WDR70: variants seen among roughly 807,000 people sequenced by gnomAD.
The protein encoded by WDR70 is WD repeat-containing protein 70.
In WDR70, 53 loss-of-function variants were observed where a neutral mutation model predicts 88.6. That is an observed-to-expected ratio of 0.60 (90% confidence interval 0.48 to 0.75). The LOEUF (loss-of-function observed/expected upper bound fraction) is 0.75. Among genes scored for constraint, WDR70 ranks in the 30% least tolerant of loss-of-function variants. The pLI is 0.00. For synonymous variants in WDR70, 280 were observed against 270.0 expected (o/e 1.04, Z -0.36); for missense variants, 610 against 823.2 (o/e 0.74, Z 3.17).
chr5:37,433,989 ATTAG>A (rs2112029387), intron 5 of WDR70, among the ~76,000 whole-genome samples: 1 of 152,356 alleles, frequency 6.6e-6, no homozygotes, highest in South Asian at 2.1e-4. Flanking sequence ...AAATGAAGGT[ATTAG>A]TTCATTCTCA....
chr5:37,626,934 C>G (rs1437549533), intron 10 of WDR70, among the ~76,000 whole-genome samples: 1 of 151,960 alleles, frequency 6.6e-6, no homozygotes, highest in African/African-American at 2.4e-5. Flanking sequence ...CTCTAATGAT[C>G]CTTTGTATTT....
At chr5:37,507,742 T>C (rs1740605164) in intron 8 of WDR70, among the ~76,000 whole-genome samples, 1 of 152,210 alleles carries the variant, frequency 6.6e-6, no homozygotes, top group Non-Finnish European at 1.5e-5. Flanking sequence ...GGGATCCTGA[T>C]TATATTAGAT....
At chr5:37,381,766 A>C in intron 3 of WDR70, 81 bp downstream of exon 3, 1 of 1,461,356 alleles carries the variant, frequency 6.8e-7, no homozygotes, top group Middle Eastern at 1.8e-4. Flanking sequence ...AAGAGAAAAG[A>C]ATGTTGGCTG....
At chr5:37,582,320 G>A (rs377026252) in intron 9 of WDR70, among the ~76,000 whole-genome samples, 5 of 152,148 alleles carry the variant, frequency 3.3e-5, no homozygotes, top group African/African-American at 1.2e-4. Context: ...AGGAAAACGT[G>A]TATTGATTAC....
intron 10 of WDR70, among the ~76,000 whole-genome samples, chr5:37,625,765 G>A (rs1744645407): frequency 1.3e-5 from 2 of 152,008 alleles, no homozygotes; most frequent in South Asian, 2.1e-4. Flanking sequence ...CTGACCTCAA[G>A]TGATCTGCCC....
intron 7 of WDR70, among the ~76,000 whole-genome samples, chr5:37,474,000 G>T (rs755668765): frequency 1.3e-5 from 2 of 151,900 alleles, no homozygotes; most frequent in African/African-American, 4.8e-5. Context: ...TTCTACTTTA[G>T]CTATATGTCA....
chr5:37,738,181 A>G (rs1338037647), intron 17 of WDR70, among the ~76,000 whole-genome samples: 4 of 152,210 alleles, frequency 2.6e-5, no homozygotes, highest in African/African-American at 2.4e-5. Flanking sequence ...CATCTGGGCC[A>G]TATTCATTCT....
chr5:37,540,317 C>A (rs770489182), intron 9 of WDR70, among the ~76,000 whole-genome samples: 1 of 152,184 alleles, frequency 6.6e-6, no homozygotes, highest in Non-Finnish European at 1.5e-5. Context: ...TCTACCTTCT[C>A]ACAAATCTTA....
rs577891143 is a variant in WDR70, at chr5:37,683,240, T to C, written c.1093-14415T>C. ...TGAACCTGTGGCTGTCATGAGTCTC[T>C]TGAAGACAACATACGATTTGGTCTT... is the stretch of plus-strand genomic sequence containing the variant. On this transcript the variant is annotated intron_variant, in intron 10 of 17. Transcript: ENST00000265107. Among the ~76,000 whole-genome samples the C allele has an allele frequency of 1.6e-4, 24 of 152,156 alleles. No individual in the cohort carries two copies. The Middle Eastern group carries it at 0.01, about 65-fold the overall frequency.
chr5:37,507,053 A>G (rs888158727), intron 8 of WDR70, among the ~76,000 whole-genome samples: 1 of 152,060 alleles, frequency 6.6e-6, no homozygotes, highest in African/African-American at 2.4e-5. Flanking sequence ...TCCTACTACT[A>G]CAGCTTTTAA....
chr5:37,577,415 G>A (rs962202667), intron 9 of WDR70, among the ~76,000 whole-genome samples: 2 of 152,120 alleles, frequency 1.3e-5, no homozygotes, highest in Non-Finnish European at 2.9e-5. Flanking sequence ...CTAGGAGTTC[G>A]AGGTTGTAGT....
chr5:37,437,773 C>G, intron 5 of WDR70, 149 bp from the exon 6 acceptor site: 2 of 630,422 alleles, frequency 3.2e-6, no homozygotes, highest in Non-Finnish European at 5.3e-6. Context: ...AAAAAAGATA[C>G]TCTCACACTT....
intron 9 of WDR70, among the ~76,000 whole-genome samples, chr5:37,584,580 G>C (rs1743312802): frequency 6.6e-6 from 1 of 152,060 alleles, no homozygotes; most frequent in Non-Finnish European, 1.5e-5. Flanking sequence ...AATCTGTTTT[G>C]CAGATGTAGA....
intron 10 of WDR70, among the ~76,000 whole-genome samples, chr5:37,648,386 T>G (rs2112554741): frequency 6.6e-6 from 1 of 152,206 alleles, no homozygotes; most frequent in East Asian, 1.9e-4. Flanking sequence ...ATGCCAAATA[T>G]CCTACTGTTT....
chr5:37,487,242 T>C (rs1444384985), intron 8 of WDR70, among the ~76,000 whole-genome samples: 2 of 152,216 alleles, frequency 1.3e-5, no homozygotes, highest in Admixed American at 1.3e-4. Flanking sequence ...ATATAATTAA[T>C]TGACTTTATT....
At chr5:37,427,104 C>T (rs1361722295) in intron 5 of WDR70, among the ~76,000 whole-genome samples, 1 of 152,130 alleles carries the variant, frequency 6.6e-6, no homozygotes, top group East Asian at 1.9e-4. Context: ...AAAAGAAACA[C>T]GTTGGCTGGG....
At chr5:37,567,627 A>G (rs1222128742) in intron 9 of WDR70, among the ~76,000 whole-genome samples, 1 of 151,580 alleles carries the variant, frequency 6.6e-6, no homozygotes, top group Admixed American at 6.6e-5. Context: ...AGTTTTGAGC[A>G]TGGCTACAGA....
intron 8 of WDR70, chr5:37,506,196 T>C (rs1367358309): frequency 1.0e-6 from 1 of 997,770 alleles, no homozygotes; most frequent in Non-Finnish European, 1.6e-6. Context: ...GTTCAAACTC[T>C]GGTATCACAG....
intron 8 of WDR70, among the ~76,000 whole-genome samples, chr5:37,512,773 T>C (rs1211156050): frequency 6.6e-6 from 1 of 151,492 alleles, no homozygotes; most frequent in African/African-American, 2.4e-5. Flanking sequence ...TTTGTAGAGA[T>C]GGGGTTTTGC....
Sources: gnomAD v4.1 joint callset for allele counts (sites outside exome capture counted in the v4.1 genomes callset) on GRCh38, gnomAD v4.1.1 for gene constraint, MANE v1.5 for transcripts, NCBI Gene and HGNC (gene_info 2026-07-23, HGNC 2026-07-21) for gene names.